RGS20: variants seen among roughly 807,000 people sequenced by gnomAD.
The protein encoded by RGS20 is regulator of G protein signaling 20.
RGS20 carries 30 observed loss-of-function variants against 33.6 expected under a neutral mutation model. The ratio of observed to expected loss-of-function variants is 0.89; its 90% CI spans 0.67 to 1.21. The LOEUF is 1.21. RGS20 is among the 50% of genes most tolerant of loss of function. The pLI is 0.00. For missense variants in RGS20, 472 were observed against 502.4 expected (o/e 0.94, Z 0.58); for synonymous variants, 208 against 197.9 (o/e 1.05, Z -0.43).
intron 2 of RGS20, among the ~76,000 whole-genome samples, chr8:53,901,770 A>T (rs1433088743): frequency 6.6e-6 from 1 of 152,176 alleles, no homozygotes; most frequent in Admixed American, 6.5e-5. Context: ...AATTGCTCCA[A>T]CCCAGGGGTT....
At chr8:53,871,112 C>CAAAAAAA (rs370091533) in intron 1 of RGS20, among the ~76,000 whole-genome samples, 3 of 21,468 alleles carry the variant, frequency 1.4e-4, no homozygotes, top group African/African-American at 3.3e-4. Context: ...CTCCATCTCA[C>CAAAAAAA]AAAAAAAAAA....
chr8:53,948,281 ATATT>A (rs1234744765), intron 4 of RGS20, among the ~76,000 whole-genome samples: 14 of 140,124 alleles, frequency 1.0e-4, no homozygotes, highest in Non-Finnish European at 1.5e-4. Flanking sequence ...TATAGTATAT[ATATT>A]TATATATACG....
chr8:53,953,944 C>A (rs1814785309), intron 4 of RGS20, 132 bp from the exon 4 acceptor site: 1 of 721,894 alleles, frequency 1.4e-6, no homozygotes, highest in Non-Finnish European at 2.5e-6. Context: ...ACAGTTCTTT[C>A]CCTTCCTAAA....
At chr8:53,863,506 G>C (rs1214065392) in intron 1 of RGS20, among the ~76,000 whole-genome samples, 2 of 152,140 alleles carry the variant, frequency 1.3e-5, no homozygotes, top group Non-Finnish European at 2.9e-5. Context: ...CTTCGAACCA[G>C]TGCGACTTGA....
intron 2 of RGS20, among the ~76,000 whole-genome samples, chr8:53,925,992 A>G (rs984982290): frequency 1.3e-5 from 2 of 152,196 alleles, no homozygotes; most frequent in African/African-American, 4.8e-5. Flanking sequence ...AGGCTGAGGC[A>G]GGAGCATCAC....
At chr8:53,917,110 A>G (rs1180740835) in intron 2 of RGS20, among the ~76,000 whole-genome samples, 1 of 152,042 alleles carries the variant, frequency 6.6e-6, no homozygotes, top group African/African-American at 2.4e-5. Flanking sequence ...AAATTCTCAG[A>G]ACACCTACTT....
In RGS20 at chr8:53,936,744, C is replaced by G. The variant is rs552704667; in HGVS notation, c.511-2832C>G. ...TGACTTTCTTCACAGGAAAAAACTA[C>G]TTTAAATTTCATATGGAACCAAAAA... On this transcript the variant is annotated intron_variant, in intron 2 of 5. Transcript: ENST00000297313. 6.6e-5 allele frequency among the ~76,000 whole-genome samples: 10 copies of G among 152,272 alleles called. No homozygotes were observed. The South Asian group carries it at 2.1e-3, about 32-fold the overall frequency.
intron 2 of RGS20, among the ~76,000 whole-genome samples, chr8:53,934,988 A>G (rs1182687931): frequency 6.6e-6 from 1 of 152,228 alleles, no homozygotes; most frequent in East Asian, 1.9e-4. Context: ...ATGGAAACTG[A>G]ACAACCTGCT....
chr8:53,920,952 G>T (rs1020740448), intron 2 of RGS20, among the ~76,000 whole-genome samples: 1 of 152,064 alleles, frequency 6.6e-6, no homozygotes, highest in Non-Finnish European at 1.5e-5. Flanking sequence ...TAGAGATAGG[G>T]TTTCACCATG....
At chr8:53,859,369 C>T (rs532588965) in intron 1 of RGS20, among the ~76,000 whole-genome samples, 2 of 152,114 alleles carry the variant, frequency 1.3e-5, no homozygotes, top group Non-Finnish European at 2.9e-5. Context: ...AAAATCCTGG[C>T]TAGCTTTAGT....
At chr8:53,908,951 A>G (rs1813258529) in intron 2 of RGS20, among the ~76,000 whole-genome samples, 1 of 152,080 alleles carries the variant, frequency 6.6e-6, no homozygotes, top group Non-Finnish European at 1.5e-5. Context: ...AAATATTGGC[A>G]TGATGGATTT....
chr8:53,874,025 C>A (rs1243562759), intron 1 of RGS20, among the ~76,000 whole-genome samples: 1 of 151,972 alleles, frequency 6.6e-6, no homozygotes, highest in Non-Finnish European at 1.5e-5. Context: ...ATGATGAAAC[C>A]CTGTCTCTAC....
intron 2 of RGS20, among the ~76,000 whole-genome samples, chr8:53,925,358 A>T (rs1325498863): frequency 6.6e-6 from 1 of 152,064 alleles, no homozygotes; most frequent in Non-Finnish European, 1.5e-5. Context: ...GGTGGAATGG[A>T]TCAGCAAGAC....
intron 3 of RGS20, 144 bp downstream of exon 2, chr8:53,939,868 C>T (rs1814240370): frequency 1.1e-6 from 1 of 908,982 alleles, no homozygotes; most frequent in East Asian, 2.8e-5. Flanking sequence ...ATGCCTGACA[C>T]ACAGGGACAC....
intron 5 of RGS20, among the ~76,000 whole-genome samples, chr8:53,955,266 GA>G (rs1175320030): frequency 6.6e-6 from 1 of 151,568 alleles, no homozygotes; most frequent in Non-Finnish European, 1.5e-5. Flanking sequence ...CATTTTTCTG[GA>G]AAAAGTATCC....
At chr8:53,917,875 A>G (rs943147444) in intron 2 of RGS20, among the ~76,000 whole-genome samples, 2 of 152,200 alleles carry the variant, frequency 1.3e-5, no homozygotes, top group South Asian at 2.1e-4. Flanking sequence ...ACCCATTAGT[A>G]GTCATTCTCC....
intron 2 of RGS20, among the ~76,000 whole-genome samples, chr8:53,931,535 A>G (rs1813958671): frequency 6.6e-6 from 1 of 151,506 alleles, no homozygotes; most frequent in Non-Finnish European, 1.5e-5. Context: ...AGCCTGGGCA[A>G]CAAGAGCAAA....
intron 2 of RGS20, among the ~76,000 whole-genome samples, chr8:53,915,594 C>T (rs1313976689): frequency 2.0e-5 from 3 of 152,132 alleles, no homozygotes; most frequent in Admixed American, 6.5e-5. Context: ...GCAGCTGGGT[C>T]GCTTCCCTTT....
At chr8:53,955,836 AAATAAT>A (rs998490913) in intron 5 of RGS20, among the ~76,000 whole-genome samples, 3 of 152,282 alleles carry the variant, frequency 2.0e-5, no homozygotes, top group Admixed American at 1.3e-4. Flanking sequence ...CATTTCAAAA[AAATAAT>A]AATAATAAAA....
Sources: gnomAD v4.1 joint callset for allele counts (sites outside exome capture counted in the v4.1 genomes callset) on GRCh38, gnomAD v4.1.1 for gene constraint, MANE v1.5 for transcripts, NCBI Gene and HGNC (gene_info 2026-07-23, HGNC 2026-07-21) for gene names.